Variants in OSBPL8 observed in about 807,000 individuals in gnomAD.
OSBPL8 encodes the protein oxysterol binding protein like 8, also known as oxysterol-binding protein-related protein 8.
OSBPL8 carries 59 observed loss-of-function variants against 125.5 expected under a neutral mutation model. The observed-to-expected ratio is 0.47, with a 90% CI of 0.38 to 0.58. The LOEUF is 0.58. Among genes scored for constraint, OSBPL8 ranks in the 20% least tolerant of loss-of-function variants. OSBPL8 has a pLI of 0.00. For synonymous variants in OSBPL8, 330 were observed against 338.9 expected, an observed-to-expected ratio of 0.97 and a Z score of 0.29; for missense variants, 758 against 1,047.8, an observed-to-expected ratio of 0.72 and a Z score of 3.82.
intron 16 of OSBPL8, among the ~76,000 whole-genome samples, chr12:76,375,741 T>TA (rs75181715): frequency 0.38 from 55,225 of 146,556 alleles, 11,416 homozygotes; most frequent in East Asian, 0.89. Flanking sequence ...CACATTGTTT[T>TA]AAAAAAAAAA....
chr12:76,522,170 G>A (rs1882125333), intron 1 of OSBPL8, among the ~76,000 whole-genome samples: 1 of 152,074 alleles, frequency 6.6e-6, no homozygotes, highest in African/African-American at 2.4e-5. Flanking sequence ...CATCTCATTT[G>A]TGAATAAATG....
chr12:76,389,521 A>G (rs1190418040), intron 12 of OSBPL8, 124 bp downstream of exon 12: 1 of 719,474 alleles, frequency 1.4e-6, no homozygotes, highest in Admixed American at 2.9e-5. Context: ...GAAGTGGTAG[A>G]GAACAGAGAG....
chr12:76,373,693 A>T lies in OSBPL8; in HGVS notation c.1828-260T>A, dbSNP rs1028821131. ...ATATTAAGAAAGATCACCCTGATAT[A>T]ACTGACTCATGTTCCATGTATGCTC... is the stretch of plus-strand genomic sequence containing the variant. On this transcript the variant is annotated intron_variant, in intron 17 of 23. Coordinates refer to ENST00000261183, the MANE Select transcript of OSBPL8 (RefSeq NM_020841.5). Among the ~76,000 whole-genome samples the T allele has an allele frequency of 2.7e-5, 4 of 148,054 alleles. No individual in the cohort carries two copies. In the Admixed American group the frequency reaches 2.7e-4, roughly 10 times the overall value.
Position 76,369,726 on chromosome 12 carries a change from G to A in OSBPL8, c.2151C>T (p.Ala717=), listed in dbSNP as rs1437981535. ...YVLEEAQRQA[A]RDRKTKNEEW... Reference sequence around the variant, plus strand: ...CTTCATTTTTTGTTTTCCGATCCCTGGCAGCTTGTCTTTGAGCTTCTTCCA... The same window carrying A: ...CTTCATTTTTTGTTTTCCGATCCCTAGCAGCTTGTCTTTGAGCTTCTTCCA... Residue 717 remains alanine, a synonymous_variant, in exon 20 of 24, where the codon GCC becomes GCT. Transcript: ENST00000261183. The A allele has an allele frequency of 6.2e-7, 1 of 1,613,490 alleles. No individual in the cohort carries two copies. Among genetic ancestry groups the A allele is most frequent in the African/African-American group, 1.3e-5 (1 of 74,864 alleles).
chr12:76,541,773 T>C (rs1247745122), intron 1 of OSBPL8, among the ~76,000 whole-genome samples: 1 of 151,770 alleles, frequency 6.6e-6, no homozygotes, highest in Non-Finnish European at 1.5e-5. Flanking sequence ...GGAGAATTGT[T>C]TGAACCCGGG....
intron 4 of OSBPL8, among the ~76,000 whole-genome samples, chr12:76,426,371 T>C (rs61925481): frequency 0.18 from 27,103 of 152,178 alleles, 3,010 homozygotes; most frequent in Non-Finnish European, 0.27. Context: ...CTCACTCAAA[T>C]ACACTCTGTT....
chr12:76,553,582 A>G (rs1951006827), intron 1 of OSBPL8, among the ~76,000 whole-genome samples: 1 of 150,608 alleles, frequency 6.6e-6, no homozygotes, highest in African/African-American at 2.4e-5. Flanking sequence ...CAGAGACAGG[A>G]GGATCACTTG....
At chr12:76,465,793 G>T (rs1029555467) in intron 2 of OSBPL8, among the ~76,000 whole-genome samples, 1 of 152,014 alleles carries the variant, frequency 6.6e-6, no homozygotes, top group Non-Finnish European at 1.5e-5. Context: ...ATCACTTGAG[G>T]TCAAGAGTTT....
chr12:76,552,657 A>G (rs2077015463), intron 1 of OSBPL8, among the ~76,000 whole-genome samples: 1 of 152,072 alleles, frequency 6.6e-6, no homozygotes, highest in African/African-American at 2.4e-5. Context: ...TGTAAGAACC[A>G]TGGAAAACTC....
At chr12:76,380,727 T>G (rs935824776) in intron 15 of OSBPL8, among the ~76,000 whole-genome samples, 1 of 152,156 alleles carries the variant, frequency 6.6e-6, no homozygotes, top group Non-Finnish European at 1.5e-5. Context: ...TCAATCTGTA[T>G]GCTATTTTTC....
chr12:76,506,784 C>T (rs570017099), intron 1 of OSBPL8, among the ~76,000 whole-genome samples: 6 of 152,184 alleles, frequency 3.9e-5, no homozygotes, highest in African/African-American at 7.2e-5. Flanking sequence ...AGTATAAGTA[C>T]ACCAATCTCT....
intron 21 of OSBPL8, among the ~76,000 whole-genome samples, chr12:76,364,490 G>C (rs951337698): frequency 2.6e-5 from 4 of 152,080 alleles, no homozygotes; most frequent in Non-Finnish European, 5.9e-5. Flanking sequence ...TCACACACCG[G>C]GACCTGTCGG....
intron 14 of OSBPL8, chr12:76,385,929 T>G: frequency 2.2e-6 from 1 of 445,058 alleles, no homozygotes; most frequent in South Asian, 5.5e-5. Context: ...GCAGGGGGCA[T>G]AGCAAAGGAA....
intron 2 of OSBPL8, among the ~76,000 whole-genome samples, chr12:76,474,267 A>G (rs544968117): frequency 8.1e-4 from 123 of 152,276 alleles, no homozygotes; most frequent in Non-Finnish European, 1.3e-3. Flanking sequence ...ACAGTAGAAC[A>G]ATGAAGGGAT....
intron 4 of OSBPL8, among the ~76,000 whole-genome samples, chr12:76,431,316 C>CA (rs1305142212): frequency 1.6e-4 from 23 of 147,420 alleles, no homozygotes; most frequent in South Asian, 2.1e-4. Context: ...ACACAAAAAA[C>CA]AAAAAAAACC....
At chr12:76,520,204 A>G (rs1031699650) in intron 1 of OSBPL8, among the ~76,000 whole-genome samples, 1 of 152,212 alleles carries the variant, frequency 6.6e-6, no homozygotes, top group Admixed American at 6.5e-5. Context: ...AAAAATGTAT[A>G]TTGATATCAC....
intron 1 of OSBPL8, among the ~76,000 whole-genome samples, chr12:76,554,733 G>A (rs2137532135): frequency 6.6e-6 from 1 of 152,044 alleles, no homozygotes; most frequent in East Asian, 1.9e-4. Flanking sequence ...AAATCAAAAA[G>A]CTTCTCCTTT....
intron 4 of OSBPL8, among the ~76,000 whole-genome samples, chr12:76,437,895 A>T (rs1237144160): frequency 2.0e-5 from 3 of 152,206 alleles, no homozygotes; most frequent in Non-Finnish European, 4.4e-5. Context: ...CTGTTATTTT[A>T]AGTAGTGTAC....
At chr12:76,396,081 A>T (rs926356681) in intron 8 of OSBPL8, among the ~76,000 whole-genome samples, 8 of 151,260 alleles carry the variant, frequency 5.3e-5, no homozygotes, top group African/African-American at 1.5e-4. Flanking sequence ...TTATATATAT[A>T]TTTTTTGTTG....
Sources: allele counts gnomAD v4.1 joint callset (sites outside exome capture counted in the v4.1 genomes callset), GRCh38; gene constraint gnomAD v4.1.1; transcripts MANE v1.5; gene names NCBI Gene and HGNC (gene_info 2026-07-23, HGNC 2026-07-21).